MYH15: variants seen among roughly 807,000 people sequenced by gnomAD.
The protein encoded by MYH15 is myosin heavy chain 15.
In MYH15, 227 loss-of-function variants were observed where a neutral mutation model predicts 240.5. The observed-to-expected ratio is 0.94, with a 90% CI of 0.85 to 1.05. The LOEUF is 1.05. Among genes scored for constraint, MYH15 ranks in the 50% least tolerant of loss-of-function variants. The pLI is 0.00. For missense variants in MYH15, 2,217 were observed against 2,247.5 expected (o/e 0.99, Z 0.27); for synonymous variants, 785 against 796.7 (o/e 0.99, Z 0.25).
At chr3:108,512,789 G>A (rs1189733041), upstream of MYH15, among the ~76,000 whole-genome samples, 1 of 152,084 alleles carries the variant, frequency 6.6e-6, no homozygotes, top group African/African-American at 2.4e-5. Context: ...TTCCAAGTCT[G>A]GAGCATTTAA....
intron 1 of MYH15, among the ~76,000 whole-genome samples, chr3:108,524,407 A>T (rs2083649720): frequency 6.6e-6 from 1 of 151,900 alleles, no homozygotes; most frequent in African/African-American, 2.4e-5. Flanking sequence ...GGGGGTATTT[A>T]CTTGTTCTTT....
chr3:108,399,669 T>G (rs1353671925), intron 33 of MYH15, among the ~76,000 whole-genome samples: 2 of 152,206 alleles, frequency 1.3e-5, no homozygotes, highest in Non-Finnish European at 2.9e-5. Flanking sequence ...TTTCAACTAC[T>G]TTCAATGATG....
intron 28 of MYH15, among the ~76,000 whole-genome samples, chr3:108,418,435 G>A (rs2082652710): frequency 6.6e-6 from 1 of 152,202 alleles, no homozygotes; most frequent in Non-Finnish European, 1.5e-5. Flanking sequence ...CTACTACCTT[G>A]ACTTGTGATC....
chr3:108,504,525 G>A lies in MYH15; in HGVS notation c.195+1198C>T, dbSNP rs886518440. Among the ~76,000 whole-genome samples the A allele has an allele frequency of 2.6e-5, 4 of 152,150 alleles. No homozygotes were observed. The East Asian group carries it at 7.7e-4, about 29-fold the overall frequency. ...CGTAAATTGCCTAAAAACAAAGATA[G>A]CATTAAAAAGACAAACTTTCTCGAT... On this transcript the variant is annotated intron_variant, in intron 2 of 40. Coordinates refer to ENST00000693548, the MANE Select transcript of MYH15 (RefSeq NM_014981.3).
At chr3:108,407,550 C>T (rs1046502311) in intron 32 of MYH15, among the ~76,000 whole-genome samples, 8 of 152,192 alleles carry the variant, frequency 5.3e-5, no homozygotes, top group Non-Finnish European at 8.8e-5. Context: ...TGCTAATGCA[C>T]ACCCAGAGAT....
At chr3:108,472,648 C>T (rs975640973) in intron 12 of MYH15, among the ~76,000 whole-genome samples, 26 of 152,262 alleles carry the variant, frequency 1.7e-4, no homozygotes, top group Middle Eastern at 3.4e-3. Context: ...CTTTTAATTC[C>T]CTAAATACTT....
chr3:108,430,745 A>G, intron 26 of MYH15, 87 bp downstream of exon 26: 1 of 1,034,204 alleles, frequency 9.7e-7, no homozygotes, highest in Non-Finnish European at 1.5e-6. Context: ...GGGTATGAAT[A>G]CCTTGGCAGA....
chr3:108,459,489 A>G, intron 17 of MYH15, 40 bp from the exon 18 acceptor site: 2 of 1,313,026 alleles, frequency 1.5e-6, no homozygotes, highest in Non-Finnish European at 2.1e-6. Context: ...TCACTTTGCA[A>G]ATCACTAAAA....
At chr3:108,430,785 C>T (rs999005722) in intron 26 of MYH15, 47 bp downstream of exon 26, 2 of 1,412,964 alleles carry the variant, frequency 1.4e-6, no homozygotes, top group Admixed American at 3.4e-5. Flanking sequence ...CAGTCATCAC[C>T]CATGGATCTA....
intron 16 of MYH15, among the ~76,000 whole-genome samples, chr3:108,462,105 C>T (rs2083075992): frequency 6.6e-6 from 1 of 152,092 alleles, no homozygotes; most frequent in Non-Finnish European, 1.5e-5. Context: ...GTGGACCAAA[C>T]AAAACGTGTT....
rs180768278 is a variant in MYH15, at chr3:108,428,354, G to A, written c.3702+138C>T. On this transcript the variant is annotated intron_variant, in intron 27 of 40. Coordinates refer to ENST00000693548, the MANE Select transcript of MYH15 (RefSeq NM_014981.3). Reference sequence around the variant, plus strand: ...ACTAAGGTCAGGCCTGATCTATTCCGTCCAAAGGACTATAGTCTTCATTAG... The same window carrying A: ...ACTAAGGTCAGGCCTGATCTATTCCATCCAAAGGACTATAGTCTTCATTAG... 5.1e-4 allele frequency: 549 copies of A among 1,079,520 alleles called. 2 individuals carry two copies. Among genetic ancestry groups the A allele is most frequent in the Admixed American group, 5.0e-3 (217 of 43,578 alleles). 66.9% of individuals were successfully genotyped at this position (1,079,520 alleles called of 1,614,324 possible).
At chr3:108,520,068 CA>C (rs2083605870) in intron 1 of MYH15, among the ~76,000 whole-genome samples, 1 of 152,076 alleles carries the variant, frequency 6.6e-6, no homozygotes, top group Non-Finnish European at 1.5e-5. Context: ...CAAGAATTGT[CA>C]AAATGCTTGG....
chr3:108,411,504 T>C (rs1163364609), intron 30 of MYH15, among the ~76,000 whole-genome samples: 1 of 152,218 alleles, frequency 6.6e-6, no homozygotes, highest in Non-Finnish European at 1.5e-5. Flanking sequence ...CATCTCATTA[T>C]GCTCACTTAA....
intron 12 of MYH15, 52 bp downstream of exon 12, chr3:108,476,345 T>C (rs903248839): frequency 1.5e-5 from 17 of 1,144,328 alleles, no homozygotes; most frequent in Non-Finnish European, 2.1e-5. Flanking sequence ...ACAATATATA[T>C]ACAATTATTG....
intron 7 of MYH15, among the ~76,000 whole-genome samples, chr3:108,494,465 C>G (rs1290498963): frequency 6.6e-6 from 1 of 151,658 alleles, no homozygotes; most frequent in East Asian, 1.9e-4. Context: ...TTCTATCTTT[C>G]CAACTTTTCT....
chr3:108,504,309 C>T (rs893831760), intron 2 of MYH15, among the ~76,000 whole-genome samples: 5 of 152,160 alleles, frequency 3.3e-5, no homozygotes, highest in African/African-American at 1.2e-4. Flanking sequence ...CCCTTGTCCA[C>T]CTATTTATGT....
At chr3:108,504,736 CA>C (rs2083462046) in intron 2 of MYH15, among the ~76,000 whole-genome samples, 1 of 152,154 alleles carries the variant, frequency 6.6e-6, no homozygotes, top group Non-Finnish European at 1.5e-5. Flanking sequence ...AATGTGAAGT[CA>C]GCAATGTAGG....
chr3:108,458,007 C>T (rs1238802526), intron 18 of MYH15, among the ~76,000 whole-genome samples: 1 of 152,160 alleles, frequency 6.6e-6, no homozygotes, highest in African/African-American at 2.4e-5. Context: ...GCACTTCAGC[C>T]ACTGCACTCT....
At chr3:108,383,796 C>G in intron 39 of MYH15, 67 bp from the exon 40 acceptor site, 1 of 1,252,706 alleles carries the variant, frequency 8.0e-7, no homozygotes, top group East Asian at 2.5e-5. Flanking sequence ...TTTTTTTCTG[C>G]TCTGACATGA....
Sources: gnomAD v4.1 joint callset for allele counts (sites outside exome capture counted in the v4.1 genomes callset) on GRCh38, gnomAD v4.1.1 for gene constraint, MANE v1.5 for transcripts, NCBI Gene and HGNC (gene_info 2026-07-23, HGNC 2026-07-21) for gene names.